The following ZC3H14 variants were observed in gnomAD, a reference collection of about 807,000 sequenced individuals.
The protein encoded by ZC3H14 is zinc finger CCCH-type containing 14, also known as zinc finger CCCH domain-containing protein 14.
In ZC3H14, 31 loss-of-function variants were observed where a neutral mutation model predicts 92.4. The ratio of observed to expected loss-of-function variants is 0.34; its 90% CI spans 0.25 to 0.45. The LOEUF is 0.45. Among genes scored for constraint, ZC3H14 ranks in the 20% least tolerant of loss-of-function variants. ZC3H14 has a pLI of 1.00. For missense variants in ZC3H14, 781 were observed against 897.3 expected, an observed-to-expected ratio of 0.87 and a Z score of 1.66; for synonymous variants, 321 against 300.9, an observed-to-expected ratio of 1.07 and a Z score of -0.69.
chr14:88,610,189 A>G (rs1416320392), intron 15 of ZC3H14, among the ~76,000 whole-genome samples: 1 of 152,176 alleles, frequency 6.6e-6, no homozygotes, highest in Non-Finnish European at 1.5e-5. Context: ...ATGGTTGATG[A>G]ATCTCCAGAT....
intron 10 of ZC3H14, among the ~76,000 whole-genome samples, chr14:88,598,934 A>G (rs546666310): frequency 6.6e-6 from 1 of 152,344 alleles, no homozygotes; most frequent in African/African-American, 2.4e-5. Context: ...TAAAAAATAC[A>G]AAAATTAGCC....
intron 9 of ZC3H14, among the ~76,000 whole-genome samples, chr14:88,582,381 T>C (rs1050063804): frequency 3.3e-5 from 5 of 152,062 alleles, no homozygotes; most frequent in African/African-American, 9.7e-5. Context: ...GCCGGAAAAA[T>C]AGTGTTTGGG....
At chr14:88,600,025 C>G (rs1483811504) in intron 10 of ZC3H14, among the ~76,000 whole-genome samples, 1 of 152,258 alleles carries the variant, frequency 6.6e-6, no homozygotes, top group East Asian at 1.9e-4. Flanking sequence ...CATCTTATTT[C>G]TGTCCCCCCA....
intron 7 of ZC3H14, 113 bp downstream of exon 7, chr14:88,574,966 T>G: frequency 6.6e-7 from 1 of 1,507,576 alleles, no homozygotes; most frequent in Non-Finnish European, 9.0e-7. Flanking sequence ...AGACGGAGTC[T>G]CGCTCTGTCA....
Position 88,622,068 on chromosome 14 carries a change from T to G in ZC3H14, c.*10317T>G. The G allele has an allele frequency of 3.3e-6, 1 of 300,844 alleles. No individual in the cohort carries two copies. Among genetic ancestry groups the G allele is most frequent in the Non-Finnish European group, 6.8e-6 (1 of 146,282 alleles). 18.6% of individuals were successfully genotyped at this position (300,844 alleles called of 1,614,324 possible). On this transcript the variant is annotated 3_prime_UTR_variant, in exon 17 of 17. Transcript: ENST00000251038. The stretch of plus-strand genomic sequence containing the variant: ...TGTCCGCCTCCAGTAACCACTATTC[T>G]ACTCTCCACCTCTGTGGGATCAACT...
chr14:88,599,566 C>A (rs1196069010), intron 10 of ZC3H14, among the ~76,000 whole-genome samples: 1 of 152,166 alleles, frequency 6.6e-6, no homozygotes, highest in African/African-American at 2.4e-5. Flanking sequence ...TTTCCTCAAC[C>A]CTGGAGCATG....
Position 88,563,573 on chromosome 14 carries a change from G to T in ZC3H14, c.37-78G>T, listed in dbSNP as rs1012836326. The T allele has an allele frequency of 3.0e-5, 48 of 1,592,252 alleles. No individual in the cohort carries two copies. In the Admixed American group the frequency reaches 8.0e-4, roughly 27 times the overall value. On this transcript the variant is annotated intron_variant, in intron 1 of 16. Transcript: ENST00000251038. ...CCGAGGTGCGCGCACCAGCAAAGTGGCCTCAGCCGCTGCAGAGTCCGGTCT... is the reference window on the plus strand; with the variant it reads ...CCGAGGTGCGCGCACCAGCAAAGTGTCCTCAGCCGCTGCAGAGTCCGGTCT...
In ZC3H14 at chr14:88,621,380, T is replaced by C. The variant is rs773269097; in HGVS notation, c.*9629T>C. 1.2e-5 allele frequency: 19 copies of C among 1,552,516 alleles called. No individual in the cohort carries two copies. The Admixed American group carries it at 3.1e-4, about 25-fold the overall frequency. On this transcript the variant is annotated 3_prime_UTR_variant, in exon 17 of 17. Transcript: ENST00000251038. ...TCTTCATAATATAAAAATGACCCTA[T>C]TGACCTGCTTTCAGAGAACTTTTTG...
At chr14:88,606,163 A>C (rs2085369254) in intron 12 of ZC3H14, among the ~76,000 whole-genome samples, 1 of 152,188 alleles carries the variant, frequency 6.6e-6, no homozygotes, top group Admixed American at 6.5e-5. Context: ...AATTTTACTT[A>C]TTCAGTGTTA....
chr14:88,585,400 C>T (rs539705051), intron 9 of ZC3H14, among the ~76,000 whole-genome samples: 3 of 143,680 alleles, frequency 2.1e-5, no homozygotes, highest in South Asian at 2.2e-4. Flanking sequence ...TTTTTTGAGA[C>T]GGAGTCTCAC....
chr14:88,575,743 A>C lies in ZC3H14; in HGVS notation c.1023-97A>C. The C allele has an allele frequency of 2.0e-6, 2 of 1,012,824 alleles. 1 individual carries two copies. The highest frequency in any genetic ancestry group is 2.8e-5 in the South Asian group (2 of 70,438). 62.7% of individuals were successfully genotyped at this position (1,012,824 alleles called of 1,614,324 possible). On this transcript the variant is annotated intron_variant, in intron 7 of 16. Coordinates refer to ENST00000251038, the MANE Select transcript of ZC3H14 (RefSeq NM_024824.5). ...TAAAAACTGCAGCTAGTCTGTTTAA[A>C]ACCTAGAGAAGGTTGTGGTAAAGGC...
At chr14:88,597,742 C>T (rs1416711710) in intron 10 of ZC3H14, among the ~76,000 whole-genome samples, 5 of 152,200 alleles carry the variant, frequency 3.3e-5, no homozygotes, top group African/African-American at 7.2e-5. Context: ...CCCAGCAGTC[C>T]GTCCTGCTTC....
chr14:88,576,070 A>T (rs778561204), intron 8 of ZC3H14, 130 bp downstream of exon 8: 2 of 780,158 alleles, frequency 2.6e-6, no homozygotes, highest in Non-Finnish European at 4.1e-6. Context: ...TGAGGTTCCC[A>T]TATAGAAAAA....
At chr14:88,571,823 G>C (rs1411527862) in intron 4 of ZC3H14, among the ~76,000 whole-genome samples, 5 of 152,084 alleles carry the variant, frequency 3.3e-5, no homozygotes, top group Admixed American at 3.3e-4. Flanking sequence ...AATTAGCCAG[G>C]CATCGTGGCA....
chr14:88,585,486 C>T (rs1226976213), intron 9 of ZC3H14, among the ~76,000 whole-genome samples: 3 of 151,858 alleles, frequency 2.0e-5, no homozygotes, highest in African/African-American at 7.3e-5. Flanking sequence ...AAGTGATTCT[C>T]CTGCCTCAGC....
Position 88,622,783 on chromosome 14 carries a change from A to C in ZC3H14, c.*11032A>C. 1 of 1,147,738 alleles carries C rather than the reference A, an allele frequency of 8.7e-7. No individual in the cohort carries two copies. The highest frequency in any genetic ancestry group is 1.2e-6 in the Non-Finnish European group (1 of 831,530). The allele number at this position is 1,147,738 out of a possible 1,614,324, so 71.1% of individuals were successfully genotyped here. ...GCTACTATAATTTTTATTATAAACA[A>C]ATACCAAGTTATAAGCAGAATCTTT... On this transcript the variant is annotated 3_prime_UTR_variant, in exon 17 of 17. Coordinates refer to ENST00000251038, the MANE Select transcript of ZC3H14 (RefSeq NM_024824.5).
At chr14:88,593,748 T>C (rs1484503272) in intron 9 of ZC3H14, among the ~76,000 whole-genome samples, 2 of 152,092 alleles carry the variant, frequency 1.3e-5, no homozygotes, top group Non-Finnish European at 2.9e-5. Context: ...AACCTAAACT[T>C]CAAAACTCTT....
chr14:88,582,579 CAG>C (rs1310147900), intron 9 of ZC3H14, among the ~76,000 whole-genome samples: 2 of 152,166 alleles, frequency 1.3e-5, no homozygotes, highest in African/African-American at 2.4e-5. Flanking sequence ...ATGGAGCACA[CAG>C]AGAGGCTTCT....
intron 12 of ZC3H14, among the ~76,000 whole-genome samples, 198 bp from the exon 13 acceptor site, chr14:88,607,045 G>A (rs1297665708): frequency 1.3e-5 from 2 of 152,128 alleles, no homozygotes; most frequent in Non-Finnish European, 2.9e-5. Context: ...TTCACAGTGA[G>A]AACTGTTGTC....
Sources: allele counts gnomAD v4.1 joint callset (sites outside exome capture counted in the v4.1 genomes callset), GRCh38; gene constraint gnomAD v4.1.1; transcripts MANE v1.5; gene names NCBI Gene and HGNC (gene_info 2026-07-23, HGNC 2026-07-21).